The following GALNT17 variants were observed in gnomAD, a reference collection of about 807,000 sequenced individuals.
GALNT17 encodes the protein UDP-GalNAc:polypeptide N-acetylgalactosaminyltransferase-like 3.
GALNT17 carries 29 observed loss-of-function variants against 63.7 expected under a neutral mutation model. The observed-to-expected ratio is 0.46, with a 90% CI of 0.34 to 0.62. GALNT17 has a LOEUF of 0.62. GALNT17 is among the 20% of genes least tolerant of loss of function. The probability of loss-of-function intolerance (pLI) is 0.01; values close to 1 mark genes in which losing one functional copy is unlikely to be tolerated. For missense variants in GALNT17, 603 were observed against 799.6 expected (o/e 0.75, Z 2.97); for synonymous variants, 305 against 318.3 (o/e 0.96, Z 0.45).
intron 3 of GALNT17, among the ~76,000 whole-genome samples, chr7:71,392,604 G>C (rs1376397899): frequency 6.6e-6 from 1 of 152,142 alleles, no homozygotes; most frequent in African/African-American, 2.4e-5. Context: ...CTTGAGCCCT[G>C]TCTGTGAGTC....
chr7:71,210,869 C>T (rs1789362273), intron 1 of GALNT17, among the ~76,000 whole-genome samples: 1 of 152,222 alleles, frequency 6.6e-6, no homozygotes, highest in South Asian at 2.1e-4. Context: ...TGTCAACAGA[C>T]ATGAGCTCTT....
intron 2 of GALNT17, among the ~76,000 whole-genome samples, chr7:71,348,447 T>A (rs1296750790): frequency 6.6e-6 from 1 of 152,216 alleles, no homozygotes; most frequent in African/African-American, 2.4e-5. Flanking sequence ...GATTCCCCTC[T>A]GTTTCTTTCT....
At chr7:71,325,728 G>C (rs12532676) in intron 1 of GALNT17, among the ~76,000 whole-genome samples, 10,082 of 152,204 alleles carry the variant, frequency 0.066, 347 homozygotes, top group Non-Finnish European at 0.086. Context: ...CTCTTGCTGA[G>C]CGGTGATCAA....
At chr7:71,578,590 T>G (rs1789577502) in intron 6 of GALNT17, among the ~76,000 whole-genome samples, 1 of 152,098 alleles carries the variant, frequency 6.6e-6, no homozygotes, top group African/African-American at 2.4e-5. Flanking sequence ...GACTGTTCCA[T>G]CTCAGCCTCT....
chr7:71,300,614 CCA>C (rs66762992), intron 1 of GALNT17: 42,339 of 247,280 alleles, frequency 0.17, 4,353 homozygotes, highest in East Asian at 0.29. Context: ...ATACACACAA[CCA>C]CACACACAAA....
chr7:71,614,933 A>C (rs1790179382), intron 6 of GALNT17, among the ~76,000 whole-genome samples: 2 of 151,754 alleles, frequency 1.3e-5, no homozygotes, highest in South Asian at 2.1e-4. Context: ...AGCAAAAAAA[A>C]CCACTTCTGG....
intron 3 of GALNT17, among the ~76,000 whole-genome samples, chr7:71,410,687 T>A (rs1793414186): frequency 6.6e-6 from 1 of 152,254 alleles, no homozygotes; most frequent in Non-Finnish European, 1.5e-5. Context: ...TGAGACAGAA[T>A]TCTGTAATGT....
intron 1 of GALNT17, among the ~76,000 whole-genome samples, chr7:71,260,551 A>G (rs1790367382): frequency 6.6e-6 from 1 of 151,902 alleles, no homozygotes; most frequent in African/African-American, 2.4e-5. Flanking sequence ...GTACCTTATT[A>G]TTCCCCAGGA....
At chr7:71,444,500 G>A (rs1787124490) in intron 5 of GALNT17, among the ~76,000 whole-genome samples, 1 of 152,146 alleles carries the variant, frequency 6.6e-6, no homozygotes, top group African/African-American at 2.4e-5. Context: ...GTCTTCCGTA[G>A]CAAACTCACT....
intron 1 of GALNT17, among the ~76,000 whole-genome samples, chr7:71,238,926 G>T (rs1562939346): frequency 6.6e-6 from 1 of 152,170 alleles, no homozygotes; most frequent in East Asian, 1.9e-4. Flanking sequence ...TCACCTGGGA[G>T]AACTCAGCTG....
At chr7:71,176,616 C>G (rs574593719) in intron 1 of GALNT17, among the ~76,000 whole-genome samples, 7 of 152,218 alleles carry the variant, frequency 4.6e-5, no homozygotes, top group African/African-American at 1.2e-4. Flanking sequence ...ACAGAGGTAG[C>G]TTCTTCTTGG....
At chr7:71,393,319 A>G (rs1264507579) in intron 3 of GALNT17, among the ~76,000 whole-genome samples, 1 of 152,084 alleles carries the variant, frequency 6.6e-6, no homozygotes, top group East Asian at 1.9e-4. Context: ...CAGCCTTACA[A>G]TTTTGTTTTC....
At chr7:71,209,264 C>T (rs1389998593) in intron 1 of GALNT17, among the ~76,000 whole-genome samples, 2 of 152,204 alleles carry the variant, frequency 1.3e-5, no homozygotes, top group African/African-American at 4.8e-5. Flanking sequence ...CACGGTTTAG[C>T]AGTCTCTTCC....
intron 9 of GALNT17, among the ~76,000 whole-genome samples, chr7:71,692,527 C>T (rs1791470177): frequency 6.6e-6 from 1 of 152,032 alleles, no homozygotes; most frequent in Non-Finnish European, 1.5e-5. Context: ...TGCAGAACTT[C>T]ACAGTAGCCT....
chr7:71,169,377 A>G (rs1303905567), intron 1 of GALNT17, among the ~76,000 whole-genome samples: 1 of 152,008 alleles, frequency 6.6e-6, no homozygotes, highest in Non-Finnish European at 1.5e-5. Flanking sequence ...TCTCTTGGGG[A>G]TAACTGTGCT....
intron 6 of GALNT17, among the ~76,000 whole-genome samples, chr7:71,591,930 TGA>T (rs1789808814): frequency 1.3e-5 from 2 of 152,230 alleles, no homozygotes; most frequent in Non-Finnish European, 2.9e-5. Flanking sequence ...CTCAAAGTGC[TGA>T]GATTACAGGC....
At position 71,463,272 on chromosome 7, in the gene GALNT17, G is replaced by T. The variant is rs922850464; in HGVS notation, c.962+42167G>T. Among the ~76,000 whole-genome samples the T allele has an allele frequency of 2.0e-5, 3 of 152,152 alleles. No individual in the cohort carries two copies. In the South Asian group the frequency reaches 6.2e-4, roughly 32 times the overall value. ...AAAGCCGTAGGATTCTAACATCAGA[G>T]ACCTTATATATAGAAACAATGGGGT... On this transcript the variant is annotated intron_variant, in intron 5 of 10. Coordinates refer to ENST00000333538, the MANE Select transcript of GALNT17 (RefSeq NM_022479.3).
At chr7:71,515,650 A>T (rs769864179) in intron 5 of GALNT17, among the ~76,000 whole-genome samples, 2 of 151,988 alleles carry the variant, frequency 1.3e-5, no homozygotes, top group Admixed American at 1.3e-4. Context: ...TCCTTTCCCC[A>T]TGGGGAGAGG....
At chr7:71,162,570 C>A (rs1043764152) in intron 1 of GALNT17, among the ~76,000 whole-genome samples, 1 of 141,796 alleles carries the variant, frequency 7.1e-6, no homozygotes, top group African/African-American at 2.5e-5. Context: ...CAGGACTCTT[C>A]TGAATATAGG....
Sources: allele counts gnomAD v4.1 joint callset (sites outside exome capture counted in the v4.1 genomes callset), GRCh38; gene constraint gnomAD v4.1.1; transcripts MANE v1.5; gene names NCBI Gene and HGNC (gene_info 2026-07-23, HGNC 2026-07-21).